CDH9: variants seen among roughly 807,000 people sequenced by gnomAD.
CDH9 encodes cadherin 9.
CDH9 carries 28 observed loss-of-function variants against 70.9 expected under a neutral mutation model. The observed-to-expected ratio is 0.40, with a 90% confidence interval of 0.29 to 0.54. The LOEUF (loss-of-function observed/expected upper bound fraction) is 0.54. Ranked by LOEUF, CDH9 falls within the 20% of genes least tolerant of loss-of-function variation. The pLI, the probability that CDH9 is intolerant of heterozygous loss-of-function variation, is 0.59. For missense variants in CDH9, 874 were observed against 984.4 expected (o/e 0.89, Z 1.50); for synonymous variants, 409 against 343.1 (o/e 1.19, Z -2.12).
At chr5:26,904,953 C>A (rs1740919610) in intron 5 of CDH9, among the ~76,000 whole-genome samples, 1 of 152,020 alleles carries the variant, frequency 6.6e-6, no homozygotes, top group African/African-American at 2.4e-5. Context: ...TGCATCGAGT[C>A]TCTTTATAAA....
chr5:26,897,695 A>T (rs887228546), intron 7 of CDH9, among the ~76,000 whole-genome samples: 1 of 152,168 alleles, frequency 6.6e-6, no homozygotes, highest in Non-Finnish European at 1.5e-5. Flanking sequence ...ATTTATGACA[A>T]ACCCACAGCC....
At chr5:26,946,366 A>G (rs574086040) in intron 2 of CDH9, among the ~76,000 whole-genome samples, 1 of 152,254 alleles carries the variant, frequency 6.6e-6, no homozygotes, top group East Asian at 1.9e-4. Context: ...TTTAAGTCTT[A>G]TTTATAAACA....
intron 2 of CDH9, among the ~76,000 whole-genome samples, chr5:26,955,835 G>C (rs1476259121): frequency 6.6e-6 from 1 of 152,162 alleles, no homozygotes; most frequent in African/African-American, 2.4e-5. Context: ...GTATAGGATA[G>C]TGGTTAAATG....
chr5:26,976,273 C>T (rs769628203), intron 2 of CDH9, among the ~76,000 whole-genome samples: 6 of 152,146 alleles, frequency 3.9e-5, no homozygotes, highest in Non-Finnish European at 7.3e-5. Flanking sequence ...AGTGATGAAA[C>T]AGATTGGATG....
At chr5:26,959,443 T>C (rs377629120) in intron 2 of CDH9, among the ~76,000 whole-genome samples, 14 of 152,026 alleles carry the variant, frequency 9.2e-5, no homozygotes, top group Non-Finnish European at 1.8e-4. Context: ...GAAAAACAGG[T>C]TGATGGTACC....
intron 2 of CDH9, among the ~76,000 whole-genome samples, chr5:26,987,835 CAT>C (rs1463101220): frequency 6.6e-6 from 1 of 151,994 alleles, no homozygotes; most frequent in Non-Finnish European, 1.5e-5. Context: ...AGATAATACA[CAT>C]ATGATTAAAT....
At chr5:27,015,125 A>G (rs1219928769) in intron 1 of CDH9, among the ~76,000 whole-genome samples, 1 of 151,882 alleles carries the variant, frequency 6.6e-6, no homozygotes, top group Non-Finnish European at 1.5e-5. Context: ...TAAAGTTAAA[A>G]ATGGTTAAAT....
intron 1 of CDH9, among the ~76,000 whole-genome samples, chr5:26,990,221 C>A (rs948587318): frequency 6.6e-6 from 1 of 152,140 alleles, no homozygotes; most frequent in Non-Finnish European, 1.5e-5. Context: ...ATGGGTCCAA[C>A]TCAGCAGAAA....
chr5:26,910,474 A>G (rs1741032546), intron 3 of CDH9, among the ~76,000 whole-genome samples: 1 of 152,192 alleles, frequency 6.6e-6, no homozygotes, highest in Admixed American at 6.5e-5. Context: ...ATGTTGTATA[A>G]CATGTAAAAG....
chr5:26,947,208 C>T (rs1741770147), intron 2 of CDH9, among the ~76,000 whole-genome samples: 1 of 152,072 alleles, frequency 6.6e-6, no homozygotes, highest in South Asian at 2.1e-4. Flanking sequence ...ATATACCACT[C>T]CTAAGCTTAA....
intron 7 of CDH9, among the ~76,000 whole-genome samples, chr5:26,892,925 G>A (rs1227297403): frequency 6.6e-6 from 1 of 151,968 alleles, no homozygotes; most frequent in Non-Finnish European, 1.5e-5. Flanking sequence ...AGTAGAGACA[G>A]GGTTTCACCG....
At chr5:26,984,662 C>T (rs1228221332) in intron 2 of CDH9, among the ~76,000 whole-genome samples, 1 of 152,072 alleles carries the variant, frequency 6.6e-6, no homozygotes. Context: ...ATTTTAATTT[C>T]TCTCCTGAGC....
At chr5:26,972,876 T>G (rs867740269) in intron 2 of CDH9, among the ~76,000 whole-genome samples, 1,614 of 152,100 alleles carry the variant, frequency 0.011, 30 homozygotes, top group African/African-American at 0.037. Flanking sequence ...TTTTTTTTTT[T>G]TTTTTGAAAT....
At chr5:27,031,437 C>T (rs1743308807) in intron 1 of CDH9, among the ~76,000 whole-genome samples, 1 of 151,810 alleles carries the variant, frequency 6.6e-6, no homozygotes, top group South Asian at 2.1e-4. Flanking sequence ...GCCTTTTACT[C>T]ACATTTTCCT....
intron 1 of CDH9, among the ~76,000 whole-genome samples, chr5:26,988,979 AT>A (rs971064113): frequency 4.0e-5 from 6 of 151,854 alleles, no homozygotes; most frequent in African/African-American, 1.2e-4. Context: ...ATCAATAACT[AT>A]TTTTTTCCAA....
intron 7 of CDH9, among the ~76,000 whole-genome samples, chr5:26,900,759 A>G (rs993941085): frequency 6.6e-6 from 1 of 152,104 alleles, no homozygotes; most frequent in African/African-American, 2.4e-5. Flanking sequence ...ATATGGTGCA[A>G]CAGACACTAA....
chr5:26,967,535 T>C (rs892778702), intron 2 of CDH9, among the ~76,000 whole-genome samples: 1 of 152,202 alleles, frequency 6.6e-6, no homozygotes, highest in African/African-American at 2.4e-5. Context: ...TATTTATGAA[T>C]GTATTCACTT....
chr5:26,936,718 C>G (rs573719731), intron 2 of CDH9, among the ~76,000 whole-genome samples: 8 of 152,096 alleles, frequency 5.3e-5, no homozygotes, highest in African/African-American at 1.9e-4. Flanking sequence ...AAACAGAATA[C>G]AGATCCCAGA....
chr5:26,972,543 T>A (rs1742237422), intron 2 of CDH9, among the ~76,000 whole-genome samples: 4 of 152,090 alleles, frequency 2.6e-5, no homozygotes, highest in Admixed American at 2.6e-4. Flanking sequence ...AAGTCAGCCC[T>A]CCCTATATAA....
Sources: gnomAD v4.1 joint callset for allele counts (sites outside exome capture counted in the v4.1 genomes callset) on GRCh38, gnomAD v4.1.1 for gene constraint, MANE v1.5 for transcripts, NCBI Gene and HGNC (gene_info 2026-07-23, HGNC 2026-07-21) for gene names.